The following SDCCAG8 variants were observed in gnomAD, a reference collection of about 807,000 sequenced individuals.
The protein encoded by SDCCAG8 is serologically defined colon cancer antigen 8.
In SDCCAG8, 74 loss-of-function variants were observed where a neutral mutation model predicts 101.8. That is an observed-to-expected ratio of 0.73 (90% confidence interval 0.60 to 0.88). The LOEUF is 0.88. Among genes scored for constraint, SDCCAG8 ranks in the 40% least tolerant of loss-of-function variants. The pLI, the probability that SDCCAG8 is intolerant of heterozygous loss-of-function variation, is 0.00. For synonymous variants in SDCCAG8, 281 were observed against 292.9 expected (o/e 0.96, Z 0.41); for missense variants, 787 against 822.6 (o/e 0.96, Z 0.53).
chr1:243,490,549 C>T (rs1250232151), intron 17 of SDCCAG8, among the ~76,000 whole-genome samples: 2 of 152,258 alleles, frequency 1.3e-5, no homozygotes, highest in East Asian at 1.9e-4. Flanking sequence ...CCCCTGCCCC[C>T]GCTTCGGACA....
chr1:243,489,118 A>T lies in SDCCAG8; in HGVS notation c.2090A>T (p.Glu697Val). Reference protein sequence around the residue: ...LLLERQSLSEEVDRLRTQLPS... With the variant: ...LLLERQSLSEVVDRLRTQLPS... Reference sequence around the variant, plus strand: ...CTGGAGAGGCAGAGCCTGTCGGAAGAGGTGGACCGGCTGCGGACCCAGGTA... The same window carrying T: ...CTGGAGAGGCAGAGCCTGTCGGAAGTGGTGGACCGGCTGCGGACCCAGGTA... The change falls in exon 17 of 18, where the codon GAG becomes GTG. Residue 697 changes from glutamate to valine, a missense_variant. Glu to Val is a moderately radical substitution (Grantham distance 121, BLOSUM62 -2). Coordinates refer to ENST00000366541, the MANE Select transcript of SDCCAG8 (RefSeq NM_006642.5). 1 of 1,612,852 alleles carries T rather than the reference A, an allele frequency of 6.2e-7. No individual in the cohort carries two copies. The highest frequency in any genetic ancestry group is 8.5e-7 in the Non-Finnish European group (1 of 1,179,998).
At chr1:243,469,241 G>A (rs1235347551) in intron 16 of SDCCAG8, among the ~76,000 whole-genome samples, 2 of 152,026 alleles carry the variant, frequency 1.3e-5, no homozygotes, top group African/African-American at 4.8e-5. Flanking sequence ...ATTTTTTTGA[G>A]TAGTATAGCA....
At position 243,341,187 on chromosome 1, in the gene SDCCAG8, T is replaced by C; in HGVS notation, c.1356+14T>C. On this transcript the variant is annotated intron_variant, in intron 11 of 17. Transcript: ENST00000366541. ...GATGTCACAAAGGTACAGAAAGAGA[T>C]TTTAGTGTAATCGTTACTTAAGGAA... 6.2e-7 allele frequency: 1 copy of C among 1,613,446 alleles called. No homozygotes were observed. Among genetic ancestry groups the C allele is most frequent in the Non-Finnish European group, 8.5e-7 (1 of 1,179,544 alleles).
chr1:243,342,270 C>CAG (rs2075422231), intron 11 of SDCCAG8, among the ~76,000 whole-genome samples: 1 of 152,236 alleles, frequency 6.6e-6, no homozygotes, highest in Non-Finnish European at 1.5e-5. Flanking sequence ...ATCAGTACAG[C>CAG]AGAGAGAGAG....
At chr1:243,482,237 C>T (rs1002421456) in intron 16 of SDCCAG8, among the ~76,000 whole-genome samples, 5 of 152,178 alleles carry the variant, frequency 3.3e-5, no homozygotes, top group Middle Eastern at 3.2e-3. Flanking sequence ...ACCACTTGCT[C>T]CATCTTATCT....
At chr1:243,257,904 G>A (rs2066896835) in intron 1 of SDCCAG8, among the ~76,000 whole-genome samples, 1 of 152,114 alleles carries the variant, frequency 6.6e-6, no homozygotes, top group South Asian at 2.1e-4. Flanking sequence ...TTTTCCTGAT[G>A]CTTCTCTTCC....
chr1:243,467,899 G>T (rs905223440), intron 16 of SDCCAG8, among the ~76,000 whole-genome samples: 2 of 152,186 alleles, frequency 1.3e-5, no homozygotes, highest in Non-Finnish European at 2.9e-5. Flanking sequence ...TAGGATGATT[G>T]AACCATGAAC....
rs140543681 is a variant in SDCCAG8, at chr1:243,319,662, C to T, written c.1068+2769C>T. Among the ~76,000 whole-genome samples, 209 of 152,248 alleles carry T rather than the reference C, an allele frequency of 1.4e-3. 1 individual carries two copies. The highest frequency in any genetic ancestry group is 4.7e-3 in the African/African-American group (195 of 41,526). Reference sequence around the variant, plus strand: ...TGCTGGGATTACAGGCGTGAGCCACCGCGCCTGGCCCCTTTTTAAAAGTTT... The same window carrying T: ...TGCTGGGATTACAGGCGTGAGCCACTGCGCCTGGCCCCTTTTTAAAAGTTT... On this transcript the variant is annotated intron_variant, in intron 9 of 17. Coordinates refer to ENST00000366541, the MANE Select transcript of SDCCAG8 (RefSeq NM_006642.5).
At chr1:243,486,146 A>G (rs889935422) in intron 16 of SDCCAG8, among the ~76,000 whole-genome samples, 1 of 134,788 alleles carries the variant, frequency 7.4e-6, no homozygotes, top group African/African-American at 2.7e-5. Context: ...GGTTGCGGTG[A>G]GCCGAGATCG....
chr1:243,402,404 A>AT (rs1429110933), intron 13 of SDCCAG8, among the ~76,000 whole-genome samples: 3 of 146,376 alleles, frequency 2.0e-5, no homozygotes, highest in African/African-American at 7.5e-5. Context: ...CTCTGTCTCA[A>AT]TTAAAAAAAA....
chr1:243,278,113 A>G (rs1489067320), intron 4 of SDCCAG8, among the ~76,000 whole-genome samples: 1 of 152,212 alleles, frequency 6.6e-6, no homozygotes, highest in African/African-American at 2.4e-5. Context: ...GAGTATCCCT[A>G]TCCATGAACA....
rs771328242 is a variant in SDCCAG8, at chr1:243,274,661, G to A, written c.420+5G>A. The stretch of plus-strand genomic sequence containing the variant: ...GCAGAAGTTAAGTTCTGCAAGGTAA[G>A]TTTCTCATTAAGAATTTAAAACTAA... On this transcript the variant is annotated splice_donor_5th_base_variant and intron_variant, in intron 4 of 17. Coordinates refer to ENST00000366541, the MANE Select transcript of SDCCAG8 (RefSeq NM_006642.5). 3 of 1,491,252 alleles carry A rather than the reference G, an allele frequency of 2.0e-6. No homozygotes were observed. Among genetic ancestry groups the A allele is most frequent in the Non-Finnish European group, 2.8e-6 (3 of 1,069,726 alleles). 92.4% of individuals were successfully genotyped at this position (1,491,252 alleles called of 1,614,324 possible). A position where few individuals can be genotyped will look rare whatever the true frequency, so the allele number is the denominator to read the frequency against.
intron 9 of SDCCAG8, among the ~76,000 whole-genome samples, chr1:243,324,212 C>T (rs1169284642): frequency 1.3e-5 from 2 of 152,116 alleles, no homozygotes; most frequent in African/African-American, 4.8e-5. Flanking sequence ...TCCGCCTTCC[C>T]ATCTACCACT....
intron 16 of SDCCAG8, among the ~76,000 whole-genome samples, chr1:243,434,557 G>C (rs1050316286): frequency 6.6e-6 from 1 of 152,188 alleles, no homozygotes; most frequent in Non-Finnish European, 1.5e-5. Context: ...TTGGATTAGG[G>C]AGGCTGTCTC....
chr1:243,307,075 T>G (rs933173869), intron 7 of SDCCAG8, among the ~76,000 whole-genome samples: 2 of 151,524 alleles, frequency 1.3e-5, no homozygotes, highest in African/African-American at 2.4e-5. Context: ...TTTTTTTTTT[T>G]GAAGTACAAA....
At chr1:243,339,469 T>C (rs1206819096) in intron 10 of SDCCAG8, among the ~76,000 whole-genome samples, 1 of 152,222 alleles carries the variant, frequency 6.6e-6, no homozygotes, top group East Asian at 1.9e-4. Flanking sequence ...ATTTAACTTC[T>C]TTTCAACCTT....
At chr1:243,459,721 G>A (rs2226029) in intron 16 of SDCCAG8, among the ~76,000 whole-genome samples, 1 of 151,982 alleles carries the variant, frequency 6.6e-6, no homozygotes, top group African/African-American at 2.4e-5. Flanking sequence ...ATCCTCCCAC[G>A]TCAGCCTCTT....
chr1:243,393,900 T>G (rs2078880708), intron 13 of SDCCAG8, among the ~76,000 whole-genome samples: 1 of 152,212 alleles, frequency 6.6e-6, no homozygotes, highest in African/African-American at 2.4e-5. Flanking sequence ...TCACTTGCCC[T>G]TCTTTTTTCC....
chr1:243,483,004 A>C (rs1426548726), intron 16 of SDCCAG8, among the ~76,000 whole-genome samples: 1 of 152,058 alleles, frequency 6.6e-6, no homozygotes, highest in Non-Finnish European at 1.5e-5. Flanking sequence ...ATGATGGCAA[A>C]CCCCCTCGCC....
Sources: allele counts gnomAD v4.1 joint callset (sites outside exome capture counted in the v4.1 genomes callset), GRCh38; gene constraint gnomAD v4.1.1; transcripts MANE v1.5; gene names NCBI Gene and HGNC (gene_info 2026-07-23, HGNC 2026-07-21).